The following GET4 variants were observed in gnomAD, a reference collection of about 807,000 sequenced individuals.
GET4 encodes guided entry of tail-anchored proteins factor 4.
GET4 carries 20 observed loss-of-function variants against 40.0 expected under a neutral mutation model. That is an observed-to-expected ratio of 0.50 (90% CI 0.35 to 0.73). The LOEUF (loss-of-function observed/expected upper bound fraction) is 0.73, where lower values mean the gene tolerates loss of function less well. Ranked by LOEUF, GET4 falls within the 30% of genes least tolerant of loss-of-function variation. The pLI, the probability that GET4 is intolerant of heterozygous loss-of-function variation, is 0.01. For missense variants in GET4, 557 were observed against 454.0 expected (o/e 1.23, Z -2.06); for synonymous variants, 280 against 194.6 (o/e 1.44, Z -3.65).
chr7:887,456 G>C lies in GET4; in HGVS notation c.403G>C (p.Gly135Arg). Residue 135 changes from glycine (G) to arginine (R), a missense_variant, in exon 4 of 9, where the codon GGG becomes CGG. Coordinates refer to ENST00000265857, the MANE Select transcript of GET4 (RefSeq NM_015949.3). ...FVSRALKWSS[G>R]GSGKLGHPRL... is the part of the protein sequence containing the mutation. ...GTCCAGAGCCCTGAAGTGGTCCAGT[G>C]GGGGCTCCGGGAAGCTGGGCCACCC... is the stretch of plus-strand genomic sequence containing the variant. The C allele has an allele frequency of 6.3e-7, 1 of 1,593,484 alleles. No individual in the cohort carries two copies. Among genetic ancestry groups the C allele is most frequent in the Non-Finnish European group, 8.6e-7 (1 of 1,167,896 alleles).
chr7:876,841 C>A, intron 1 of GET4, 41 bp downstream of exon 1: 3 of 1,076,118 alleles, frequency 2.8e-6, no homozygotes, highest in Non-Finnish European at 3.5e-6. Context: ...GCGCCCGCCC[C>A]CGCCGCCTCC....
chr7:886,000 G>A, intron 1 of GET4, 56 bp from the exon 2 acceptor site: 3 of 1,019,324 alleles, frequency 2.9e-6, no homozygotes, highest in Non-Finnish European at 4.7e-6. Flanking sequence ...AGATGAGCGG[G>A]GGAGCGCGGT....
chr7:879,051 G>A (rs1017843367), intron 1 of GET4, among the ~76,000 whole-genome samples: 2 of 152,160 alleles, frequency 1.3e-5, no homozygotes, highest in African/African-American at 4.8e-5. Context: ...GGGGGATGAG[G>A]AACCCCATGA....
chr7:895,317 G>T lies in GET4; in HGVS notation c.896-17G>T, dbSNP rs375274038. ...GAGGCTGCCCAGGCGTGACTGCCAC[G>T]GTGTTCTTCTTTCCAGGGAACCTTC... is the stretch of plus-strand genomic sequence containing the variant. On this transcript the variant is annotated splice_polypyrimidine_tract_variant and intron_variant, in intron 8 of 8. Coordinates refer to ENST00000265857, the MANE Select transcript of GET4 (RefSeq NM_015949.3). The T allele has an allele frequency of 2.2e-6, 3 of 1,379,214 alleles. No individual in the cohort carries two copies. Among genetic ancestry groups the T allele is most frequent in the South Asian group, 1.2e-5 (1 of 84,320 alleles). 85.4% of individuals were successfully genotyped at this position (1,379,214 alleles called of 1,614,324 possible). A position where few individuals can be genotyped will look rare whatever the true frequency, so the allele number is the denominator to read the frequency against.
intron 1 of GET4, among the ~76,000 whole-genome samples, chr7:879,212 C>T (rs1165755770): frequency 2.6e-5 from 4 of 152,366 alleles, no homozygotes; most frequent in South Asian, 4.1e-4. Context: ...TTGAATTAAA[C>T]ACCGTCTGTC....
intron 1 of GET4, chr7:880,279 T>G (rs1258714923): frequency 2.0e-5 from 3 of 152,404 alleles, no homozygotes; most frequent in Non-Finnish European, 4.4e-5. Flanking sequence ...AGGCGGAGGT[T>G]GTGGTGAGCC....
At chr7:887,171 C>T in intron 3 of GET4, 199 bp from the exon 4 acceptor site, 1 of 736,880 alleles carries the variant, frequency 1.4e-6, no homozygotes, top group Non-Finnish European at 2.5e-6. Flanking sequence ...TCCTTCCTTC[C>T]TCGCTGTGCT....
At chr7:884,214 G>C (rs950826824) in intron 1 of GET4, 13 of 1,303,752 alleles carry the variant, frequency 1.0e-5, no homozygotes, top group Non-Finnish European at 1.3e-5. Context: ...ATGCGGTTCT[G>C]CCCGTGGCCC....
chr7:886,702 C>A, intron 3 of GET4, 52 bp downstream of exon 3: 1 of 1,180,824 alleles, frequency 8.5e-7, no homozygotes, highest in Non-Finnish European at 1.3e-6. Context: ...CCCCAGTACG[C>A]CCCTCCCCGG....
chr7:886,961 C>G, intron 3 of GET4: 1 of 518,318 alleles, frequency 1.9e-6, no homozygotes, highest in Middle Eastern at 3.7e-4. Flanking sequence ...ACCACTTTGG[C>G]TTGTCGGCCT....
intron 3 of GET4, 104 bp from the exon 4 acceptor site, chr7:887,266 C>T (rs776234749): frequency 3.4e-6 from 4 of 1,178,474 alleles, no homozygotes. Context: ...AGGTTCCTCT[C>T]CCTGTTAAGT....
At chr7:881,700 C>T (rs1020524248) in intron 1 of GET4, 10 of 152,136 alleles carry the variant, frequency 6.6e-5, no homozygotes, top group Admixed American at 5.2e-4. Context: ...TTATTTTAGC[C>T]TCAGGTCTGT....
At chr7:886,526 C>G (rs551898862) in intron 2 of GET4, 43 bp from the exon 3 acceptor site, 1 of 1,439,740 alleles carries the variant, frequency 6.9e-7, no homozygotes, top group East Asian at 2.3e-5. Flanking sequence ...CTGAACAGGT[C>G]AGGGCTTTGT....
intron 1 of GET4, 35 bp from the exon 2 acceptor site, chr7:886,021 C>A: frequency 7.5e-7 from 1 of 1,326,680 alleles, no homozygotes; most frequent in Non-Finnish European, 1.1e-6. Flanking sequence ...GGCGAGGGCA[C>A]GTGGGCGTGG....
In GET4 at chr7:886,131, C is replaced by T. The variant is rs1443393762; in HGVS notation, c.231C>T (p.Gly77=). Residue 77 remains glycine (G), a synonymous_variant, in exon 2 of 9, where the codon GGC becomes GGT. Transcript: ENST00000265857. ...YSGALLFFSH[G]QQNSAADLSM... is the part of the protein sequence containing the mutation. ...GAGCCCTGCTCTTCTTCAGCCATGGCCAGGTAAGCCGTCTTGCTTCCTCCT... is the reference window on the plus strand; with the variant it reads ...GAGCCCTGCTCTTCTTCAGCCATGGTCAGGTAAGCCGTCTTGCTTCCTCCT... The T allele has an allele frequency of 1.9e-6, 3 of 1,596,952 alleles. No individual in the cohort carries two copies. The highest frequency in any genetic ancestry group is 2.6e-6 in the Non-Finnish European group (3 of 1,165,194).
At chr7:895,058 C>G (rs1439681632) in intron 8 of GET4, among the ~76,000 whole-genome samples, 1 of 151,496 alleles carries the variant, frequency 6.6e-6, no homozygotes, top group African/African-American at 2.4e-5. Context: ...CTGTAGGCCC[C>G]CGTGGCTGCT....
At chr7:892,753 G>A (rs1844357619) in intron 6 of GET4, among the ~76,000 whole-genome samples, 1 of 150,972 alleles carries the variant, frequency 6.6e-6, no homozygotes, top group African/African-American at 2.4e-5. Context: ...GTGTGCGGGT[G>A]TTGGGTATCC....
chr7:893,473 G>C (rs1321482908), intron 6 of GET4, among the ~76,000 whole-genome samples: 3 of 143,742 alleles, frequency 2.1e-5, no homozygotes, highest in Non-Finnish European at 4.6e-5. Context: ...CGGGCGCGGT[G>C]GTTTGTGCAG....
chr7:887,463 C>T lies in GET4; in HGVS notation c.410C>T (p.Ser137Phe). Residue 137 changes from serine (S) to phenylalanine (F), a missense_variant, in exon 4 of 9, where the codon TCC (serine) becomes TTC (phenylalanine). Transcript: ENST00000265857. Reference sequence around the variant, plus strand: ...GCCCTGAAGTGGTCCAGTGGGGGCTCCGGGAAGCTGGGCCACCCCCGGCTG... The same window carrying T: ...GCCCTGAAGTGGTCCAGTGGGGGCTTCGGGAAGCTGGGCCACCCCCGGCTG... ...SRALKWSSGG[S>F]GKLGHPRLHQ... 1 of 1,591,408 alleles carries T rather than the reference C, an allele frequency of 6.3e-7. No individual in the cohort carries two copies. The highest frequency in any genetic ancestry group is 8.6e-7 in the Non-Finnish European group (1 of 1,166,962).
Sources: allele counts gnomAD v4.1 joint callset (sites outside exome capture counted in the v4.1 genomes callset), GRCh38; gene constraint gnomAD v4.1.1; transcripts MANE v1.5; gene names NCBI Gene and HGNC (gene_info 2026-07-23, HGNC 2026-07-21).